AFAP1L2: variants seen among roughly 807,000 people sequenced by gnomAD.
AFAP1L2 encodes the protein actin filament associated protein 1 like 2.
In AFAP1L2, 46 loss-of-function variants were observed where a neutral mutation model predicts 99.3. The ratio of observed to expected loss-of-function variants is 0.46; its 90% CI spans 0.37 to 0.59. The LOEUF is 0.59. Among genes scored for constraint, AFAP1L2 ranks in the 20% least tolerant of loss-of-function variants. The pLI, the probability that AFAP1L2 is intolerant of heterozygous loss-of-function variation, is 0.00. For missense variants in AFAP1L2, 959 were observed against 1,034.9 expected, an observed-to-expected ratio of 0.93 and a Z score of 1.01; for synonymous variants, 397 against 419.1, an observed-to-expected ratio of 0.95 and a Z score of 0.64.
At chr10:114,291,380 A>G, downstream of AFAP1L2, 1 of 983,252 alleles carries the variant, frequency 1.0e-6, no homozygotes, top group Non-Finnish European at 1.4e-6. Context: ...CGTGGCCAGG[A>G]CCACTATTCT....
downstream of AFAP1L2, among the ~76,000 whole-genome samples, chr10:114,290,969 A>G (rs1564750726): frequency 6.6e-6 from 1 of 152,142 alleles, no homozygotes; most frequent in Non-Finnish European, 1.5e-5. Flanking sequence ...TTGAAGTTAG[A>G]ACAGCCAGAA....
the AFAP1L2 span, among the ~76,000 whole-genome samples, chr10:114,288,326 T>C: frequency 6.6e-6 from 1 of 152,246 alleles, no homozygotes; most frequent in Non-Finnish European, 1.5e-5. Context: ...TAATTCTATG[T>C]TCATTTCATG....
chr10:114,327,108 T>G (rs1488204441), intron 4 of AFAP1L2, among the ~76,000 whole-genome samples: 5 of 137,796 alleles, frequency 3.6e-5, no homozygotes, highest in African/African-American at 1.2e-4. Flanking sequence ...TTTTGATTAT[T>G]ATCATTATGA....
In AFAP1L2 at chr10:114,297,428, A is replaced by C; in HGVS notation, c.2114-15T>G. ...GACTTCCTTGTCTGGAGAGAGAATT[A>C]TGCAGGTGTCAGAGAACAGCATCTC... On this transcript the variant is annotated splice_polypyrimidine_tract_variant and intron_variant, in intron 16 of 18. Transcript: ENST00000304129. The C allele has an allele frequency of 6.2e-7, 1 of 1,609,784 alleles. No individual in the cohort carries two copies. Among genetic ancestry groups the C allele is most frequent in the Non-Finnish European group, 8.5e-7 (1 of 1,179,188 alleles).
At chr10:114,289,729 G>A in the AFAP1L2 span, 1 of 567,418 alleles carries the variant, frequency 1.8e-6, no homozygotes, top group Non-Finnish European at 3.2e-6. Flanking sequence ...CCAAACTTGA[G>A]AATTTATGCA....
At chr10:114,370,154 C>T (rs1013274949) in intron 1 of AFAP1L2, among the ~76,000 whole-genome samples, 1 of 152,164 alleles carries the variant, frequency 6.6e-6, no homozygotes, top group Non-Finnish European at 1.5e-5. Flanking sequence ...TAATTCTCCT[C>T]TTTGAATAGT....
chr10:114,366,373 G>A (rs1297692214), intron 1 of AFAP1L2, among the ~76,000 whole-genome samples: 1 of 152,168 alleles, frequency 6.6e-6, no homozygotes, highest in African/African-American at 2.4e-5. Context: ...GGGCAGAGAT[G>A]ATCAATGGAA....
At chr10:114,379,543 T>C (rs2055318153) in intron 1 of AFAP1L2, among the ~76,000 whole-genome samples, 1 of 152,034 alleles carries the variant, frequency 6.6e-6, no homozygotes, top group Admixed American at 6.6e-5. Context: ...AAACAAACGG[T>C]CTGGAGGAAT....
At chr10:114,349,555 G>GAA (rs200302338) in intron 1 of AFAP1L2, among the ~76,000 whole-genome samples, 383 of 123,708 alleles carry the variant, frequency 3.1e-3, no homozygotes, top group Middle Eastern at 8.5e-3. Flanking sequence ...TTGTCGCTTG[G>GAA]AAAAAAAAAA....
the AFAP1L2 span, chr10:114,286,461 T>C: frequency 6.2e-7 from 1 of 1,604,184 alleles, no homozygotes; most frequent in Non-Finnish European, 8.5e-7. Flanking sequence ...CAGGATCTGT[T>C]CAACCAAATC....
intron 1 of AFAP1L2, among the ~76,000 whole-genome samples, chr10:114,366,987 A>G (rs969753039): frequency 1.3e-5 from 2 of 152,154 alleles, no homozygotes. Context: ...ACAACAAAAA[A>G]GAATTCTTCA....
At chr10:114,384,334 GC>G (rs1012784084) in intron 1 of AFAP1L2, among the ~76,000 whole-genome samples, 1 of 142,568 alleles carries the variant, frequency 7.0e-6, no homozygotes, top group Non-Finnish European at 1.5e-5. Flanking sequence ...TCCCCCCCCC[GC>G]TGCAAGTGAT....
chr10:114,305,627 ATG>A, intron 10 of AFAP1L2, among the ~76,000 whole-genome samples: 1 of 86,604 alleles, frequency 1.2e-5, no homozygotes, highest in Non-Finnish European at 2.4e-5. Flanking sequence ...GCAGGAGGGG[ATG>A]CAGATGCAGG....
downstream of AFAP1L2, among the ~76,000 whole-genome samples, chr10:114,294,292 G>T (rs1269015775): frequency 2.0e-5 from 3 of 152,054 alleles, no homozygotes; most frequent in Admixed American, 6.6e-5. Flanking sequence ...CCTTATAATG[G>T]AAAATACATA....
chr10:114,306,346 C>CGGGGGCAGGAGGGGACGT (rs1564812983), intron 10 of AFAP1L2, among the ~76,000 whole-genome samples: 1 of 34,876 alleles, frequency 2.9e-5, no homozygotes. Context: ...GGAGGGGACG[C>CGGGGGCAGGAGGGGACGT]GGGGGCAGGA....
At chr10:114,288,065 T>A in the AFAP1L2 span, among the ~76,000 whole-genome samples, 1 of 152,168 alleles carries the variant, frequency 6.6e-6, no homozygotes, top group Admixed American at 6.5e-5. Flanking sequence ...TGGTTCCCCT[T>A]TGCACTTGGA....
intron 7 of AFAP1L2, among the ~76,000 whole-genome samples, chr10:114,312,234 AGTGTGTGTGTGTGTGTGT>A (rs58275552): frequency 0.056 from 8,197 of 145,520 alleles, 292 homozygotes; most frequent in South Asian, 0.086. Context: ...GCAAGAGCAG[AGTGTGTGTGTGTGTGTGT>A]GTGTGTGTGT....
chr10:114,394,352 T>A (rs555617239), intron 1 of AFAP1L2, among the ~76,000 whole-genome samples: 1 of 152,208 alleles, frequency 6.6e-6, no homozygotes, highest in Admixed American at 6.5e-5. Flanking sequence ...ACCCTGACTC[T>A]GAGGTCACCA....
In AFAP1L2 at chr10:114,314,145, C is replaced by A. The variant is rs879091935; in HGVS notation, c.613-95G>T. The A allele has an allele frequency of 6.2e-6, 8 of 1,283,606 alleles. No individual in the cohort carries two copies. The South Asian group carries it at 1.2e-4, about 19-fold the overall frequency. 79.5% of individuals were successfully genotyped at this position (1,283,606 alleles called of 1,614,324 possible). Reference sequence around the variant, plus strand: ...GGGCCGCTGGACGTTGCAGGACTCACCAAGAGCCTGACTTAACCCAGCAAG... The same window carrying A: ...GGGCCGCTGGACGTTGCAGGACTCAACAAGAGCCTGACTTAACCCAGCAAG... On this transcript the variant is annotated intron_variant, in intron 6 of 18. Transcript: ENST00000304129.
Sources: allele counts gnomAD v4.1 joint callset (sites outside exome capture counted in the v4.1 genomes callset), GRCh38; gene constraint gnomAD v4.1.1; transcripts MANE v1.5; gene names NCBI Gene and HGNC (gene_info 2026-07-23, HGNC 2026-07-21).